Variants in SLIT2 observed in about 807,000 individuals in gnomAD.
SLIT2 encodes the protein slit homolog 2 protein.
SLIT2 carries 41 observed loss-of-function variants against 185.7 expected under a neutral mutation model. That is an observed-to-expected ratio of 0.22 (90% CI 0.17 to 0.29). The LOEUF (loss-of-function observed/expected upper bound fraction) is 0.29, where lower values mean the gene tolerates loss of function less well. Among genes scored for constraint, SLIT2 ranks in the 10% least tolerant of loss-of-function variants. SLIT2 has a pLI of 1.00. For synonymous variants in SLIT2, 693 were observed against 680.2 expected (o/e 1.02, Z -0.29); for missense variants, 1,571 against 1,909.0 (o/e 0.82, Z 3.30).
At chr4:20,275,361 A>G (rs1560275330) in intron 4 of SLIT2, among the ~76,000 whole-genome samples, 1 of 152,174 alleles carries the variant, frequency 6.6e-6, no homozygotes, top group Non-Finnish European at 1.5e-5. Flanking sequence ...AATGGGAAGG[A>G]TCATACAATT....
In SLIT2 at chr4:20,523,895, T is replaced by C. The variant is rs1721052774; in HGVS notation, c.1266T>C (p.Ile422=). ...AKGTFSPLRA[I]QTMHLAQNPF... is the part of the protein sequence containing the mutation. ...GGACCTTTTCACCTCTTCGGGCCAT[T>C]CAAACTATGTATGTATAAGTGATTT... is the stretch of plus-strand genomic sequence containing the variant. The change falls in exon 13 of 37, where the codon ATT becomes ATC. Residue 422 remains isoleucine (I), a synonymous_variant. Transcript: ENST00000504154. 8.1e-6 allele frequency: 13 copies of C among 1,614,040 alleles called. No individual in the cohort carries two copies. Among genetic ancestry groups the C allele is most frequent in the Non-Finnish European group, 1.1e-5 (13 of 1,180,030 alleles).
intron 5 of SLIT2, among the ~76,000 whole-genome samples, chr4:20,477,290 C>T (rs1265561613): frequency 6.6e-6 from 1 of 151,804 alleles, no homozygotes; most frequent in Non-Finnish European, 1.5e-5. Context: ...CAACCTCCAC[C>T]TCCTGGGTTC....
intron 26 of SLIT2, among the ~76,000 whole-genome samples, chr4:20,561,484 C>T (rs1414671292): frequency 6.6e-6 from 1 of 151,550 alleles, no homozygotes; most frequent in Non-Finnish European, 1.5e-5. Flanking sequence ...TTGATATTGT[C>T]GTTAGTCGTT....
chr4:20,515,031 A>G (rs1720082124), intron 11 of SLIT2, among the ~76,000 whole-genome samples: 1 of 152,116 alleles, frequency 6.6e-6, no homozygotes, highest in Admixed American at 6.6e-5. Context: ...ATTACTTGGA[A>G]ACTTCCTTCT....
rs148280451 is a variant in SLIT2 at position 20,533,788 on chromosome 4, G to A, written c.1832+73G>A. On this transcript the variant is annotated intron_variant, in intron 18 of 36. Transcript: ENST00000504154. ...CTCATTGTTCATTATAATCCTGGGA[G>A]AGAGAAACACCTACTTTTACCCACC... 9 of 1,404,730 alleles carry A rather than the reference G, an allele frequency of 6.4e-6. No individual in the cohort carries two copies. The African/African-American group carries it at 1.3e-4, about 20-fold the overall frequency. 87.0% of individuals were successfully genotyped at this position (1,404,730 alleles called of 1,614,324 possible). A position where few individuals can be genotyped will look rare whatever the true frequency, so the allele number is the denominator to read the frequency against.
At chr4:20,526,511 A>G (rs866907286) in intron 15 of SLIT2, among the ~76,000 whole-genome samples, 1 of 152,324 alleles carries the variant, frequency 6.6e-6, no homozygotes, top group African/African-American at 2.4e-5. Flanking sequence ...TCCTAAAATT[A>G]TGGCAGTAAT....
intron 34 of SLIT2, among the ~76,000 whole-genome samples, chr4:20,611,605 A>G (rs531163742): frequency 3.7e-4 from 57 of 152,278 alleles, no homozygotes; most frequent in Non-Finnish European, 7.1e-4. Context: ...TTAAAAACCA[A>G]ATCTTCCATT....
At chr4:20,299,789 G>C (rs527755661) in intron 4 of SLIT2, among the ~76,000 whole-genome samples, 2 of 151,634 alleles carry the variant, frequency 1.3e-5, no homozygotes, top group Non-Finnish European at 2.9e-5. Flanking sequence ...CATTTGTCAC[G>C]GCCAAAATAC....
At chr4:20,448,526 G>A (rs1042972756) in intron 4 of SLIT2, among the ~76,000 whole-genome samples, 4 of 152,100 alleles carry the variant, frequency 2.6e-5, no homozygotes, top group Admixed American at 2.6e-4. Context: ...TTGCCATGTT[G>A]GAGAGGTTGG....
intron 26 of SLIT2, among the ~76,000 whole-genome samples, chr4:20,564,834 A>G (rs547323262): frequency 1.3e-5 from 2 of 151,834 alleles, no homozygotes; most frequent in African/African-American, 2.4e-5. Flanking sequence ...ACAATCTCCC[A>G]TAACAAATTC....
At chr4:20,327,997 A>G (rs916779468) in intron 4 of SLIT2, among the ~76,000 whole-genome samples, 3 of 152,154 alleles carry the variant, frequency 2.0e-5, no homozygotes, top group African/African-American at 2.4e-5. Context: ...TTCTACATCA[A>G]TAAGTTACGC....
Position 20,340,335 on chromosome 4 carries a change from C to A in SLIT2, c.395+71454C>A, listed in dbSNP as rs1217798086. On this transcript the variant is annotated intron_variant, in intron 4 of 36. Transcript: ENST00000504154. ...TTGGGAAGAGAAGGAGAAATAATAA[C>A]CACAAAAACAAAATCAAAAATCCCT... is the stretch of plus-strand genomic sequence containing the variant. Among the ~76,000 whole-genome samples the A allele has an allele frequency of 4.6e-5, 7 of 152,120 alleles. No homozygotes were observed. In the East Asian group the frequency reaches 9.7e-4, roughly 21 times the overall value.
At chr4:20,581,103 G>C (rs1421064261) in intron 29 of SLIT2, among the ~76,000 whole-genome samples, 3 of 152,160 alleles carry the variant, frequency 2.0e-5, no homozygotes, top group Non-Finnish European at 4.4e-5. Context: ...TTAAACAACA[G>C]AGTTTTATTG....
chr4:20,263,132 C>T (rs1226848095), intron 3 of SLIT2, among the ~76,000 whole-genome samples: 2 of 151,566 alleles, frequency 1.3e-5, no homozygotes, highest in Admixed American at 6.6e-5. Context: ...CTTTTGGATA[C>T]CTTTCTGCTT....
intron 4 of SLIT2, among the ~76,000 whole-genome samples, chr4:20,340,770 T>G (rs1720897863): frequency 6.6e-6 from 1 of 152,000 alleles, no homozygotes; most frequent in South Asian, 2.1e-4. Flanking sequence ...CCGGCTAATT[T>G]TTTGTATTTT....
At chr4:20,354,883 C>A (rs967246200) in intron 4 of SLIT2, among the ~76,000 whole-genome samples, 2 of 53,064 alleles carry the variant, frequency 3.8e-5, no homozygotes, top group Non-Finnish European at 4.2e-5. Flanking sequence ...TGTGGCAAGT[C>A]TGCGTGTGTG....
At chr4:20,577,759 G>A (rs1382092866) in intron 29 of SLIT2, among the ~76,000 whole-genome samples, 1 of 152,170 alleles carries the variant, frequency 6.6e-6, no homozygotes, top group Non-Finnish European at 1.5e-5. Flanking sequence ...TAGAGAGAAT[G>A]TTTCTGTTTC....
chr4:20,573,544 A>T (rs1054533476), intron 29 of SLIT2, among the ~76,000 whole-genome samples: 2 of 152,108 alleles, frequency 1.3e-5, no homozygotes, highest in Non-Finnish European at 2.9e-5. Context: ...ACTAATATAA[A>T]TTTTTTTAAT....
chr4:20,257,921 T>C lies in SLIT2; in HGVS notation c.305T>C (p.Leu102Pro). 6.5e-7 allele frequency: 1 copy of C among 1,545,466 alleles called. No individual in the cohort carries two copies. The highest frequency in any genetic ancestry group is 8.9e-7 in the Non-Finnish European group (1 of 1,120,824). ...ATTGAAAGAGGAGCATTCCAGGATC[T>C]TAAAGAACTAGAGAGACTGTAAGTA... is the stretch of plus-strand genomic sequence containing the variant. ...STIERGAFQD[L>P]KELERLRLNR... is the part of the protein sequence containing the mutation. Residue 102 changes from leucine to proline, a missense_variant, in exon 3 of 37, where the codon CTT becomes CCT. Leu to Pro is a moderately conservative substitution (Grantham distance 98). Coordinates refer to ENST00000504154, the MANE Select transcript of SLIT2 (RefSeq NM_004787.4).
Sources: allele counts gnomAD v4.1 joint callset (sites outside exome capture counted in the v4.1 genomes callset), GRCh38; gene constraint gnomAD v4.1.1; transcripts MANE v1.5; gene names NCBI Gene and HGNC (gene_info 2026-07-23, HGNC 2026-07-21).